FKBP1B: variants seen among roughly 807,000 people sequenced by gnomAD.
FKBP1B encodes FKBP prolyl isomerase 1B.
A neutral mutation model predicts 13.5 loss-of-function variants in FKBP1B; 4 were observed. The ratio of observed to expected loss-of-function variants is 0.30; its 90% CI spans 0.15 to 0.68. FKBP1B has a LOEUF of 0.68. Ranked by LOEUF, FKBP1B falls within the 30% of genes least tolerant of loss-of-function variation. The pLI is 0.76. For missense variants in FKBP1B, 93 were observed against 136.2 expected, an observed-to-expected ratio of 0.68 and a Z score of 1.58; for synonymous variants, 54 against 53.6, an observed-to-expected ratio of 1.01 and a Z score of -0.03.
the FKBP1B span, chr2:24,038,855 C>A: frequency 6.2e-7 from 1 of 1,614,208 alleles, no homozygotes; most frequent in Non-Finnish European, 8.5e-7. Flanking sequence ...ACCTGTGAGT[C>A]CACAGTTGCT....
the FKBP1B span, chr2:24,033,285 A>G: frequency 2.2e-6 from 1 of 451,964 alleles, no homozygotes; most frequent in Non-Finnish European, 4.5e-6. Context: ...GCTGTTTCAG[A>G]TATAGCTAAG....
chr2:24,048,831 T>C (rs993470024), upstream of FKBP1B, among the ~76,000 whole-genome samples: 6 of 152,174 alleles, frequency 3.9e-5, no homozygotes, highest in Non-Finnish European at 7.3e-5. Context: ...AATCACTCCA[T>C]GCAGTAACTG....
intron 2 of FKBP1B, among the ~76,000 whole-genome samples, chr2:24,059,391 C>T (rs1664285264): frequency 1.3e-5 from 2 of 148,164 alleles, no homozygotes; most frequent in Admixed American, 1.3e-4. Context: ...GTTCTGGTTT[C>T]AAACAGCCCT....
At chr2:24,047,694 T>A (rs552979749), upstream of FKBP1B, among the ~76,000 whole-genome samples, 1 of 152,104 alleles carries the variant, frequency 6.6e-6, no homozygotes, top group East Asian at 1.9e-4. Context: ...GTCTAAGGAG[T>A]CCAGGAGCCC....
At chr2:24,038,492 T>A in the FKBP1B span, 1 of 1,614,244 alleles carries the variant, frequency 6.2e-7, no homozygotes, top group Non-Finnish European at 8.5e-7. Context: ...CCTGGAATAG[T>A]GACTTTTCTC....
the FKBP1B span, among the ~76,000 whole-genome samples, chr2:24,042,902 A>G: frequency 7.4e-6 from 1 of 135,648 alleles, no homozygotes; most frequent in African/African-American, 2.8e-5. Flanking sequence ...GCGTGGTGGC[A>G]CATGCCTGTA....
the FKBP1B span, among the ~76,000 whole-genome samples, chr2:24,044,381 T>C: frequency 6.6e-6 from 1 of 152,120 alleles, no homozygotes; most frequent in Non-Finnish European, 1.5e-5. Context: ...GTGATTCTTG[T>C]GCCTCAGCCT....
At chr2:24,042,724 T>G in the FKBP1B span, among the ~76,000 whole-genome samples, 2 of 136,064 alleles carry the variant, frequency 1.5e-5, no homozygotes, top group Admixed American at 7.4e-5. Context: ...AAAAAAAAAT[T>G]TAGTATAAAA....
At chr2:24,039,462 A>T in the FKBP1B span, 1 of 1,612,808 alleles carries the variant, frequency 6.2e-7, no homozygotes, top group Non-Finnish European at 8.5e-7. Flanking sequence ...CATTCAGTCC[A>T]GTCCTGAGTA....
chr2:24,039,531 A>G, the FKBP1B span: 1 of 1,593,128 alleles, frequency 6.3e-7, no homozygotes, highest in Non-Finnish European at 8.6e-7. Context: ...ATTAAGAAGG[A>G]AAGTTACACC....
Position 24,063,461 on chromosome 2 carries a change from AG to A in FKBP1B, c.*270del. ...GCATGTAGTAGCCTTTCCTGATGAC[AG>A]AACACAGATCTCTTGTTCGCACAAT... On this transcript the variant is annotated 3_prime_UTR_variant, in exon 4 of 4. Coordinates refer to ENST00000380986, the MANE Select transcript of FKBP1B (RefSeq NM_004116.5). 2 of 377,258 alleles carry A rather than the reference AG, an allele frequency of 5.3e-6. No homozygotes were observed. The highest frequency in any genetic ancestry group is 4.7e-6 in the Non-Finnish European group (1 of 211,456). 23.4% of individuals were successfully genotyped at this position (377,258 alleles called of 1,614,324 possible). A position where few individuals can be genotyped will look rare whatever the true frequency, so the allele number is the denominator to read the frequency against.
At chr2:24,051,346 G>A (rs550433540) in intron 1 of FKBP1B, among the ~76,000 whole-genome samples, 6 of 147,346 alleles carry the variant, frequency 4.1e-5, no homozygotes, top group African/African-American at 5.1e-5. Flanking sequence ...AAAAAAAAAA[G>A]AAAAAAAATG....
At chr2:24,055,194 CTTT>C (rs71395180) in intron 2 of FKBP1B, among the ~76,000 whole-genome samples, 23 of 131,178 alleles carry the variant, frequency 1.8e-4, no homozygotes, top group Admixed American at 2.3e-4. Context: ...CATTGTTTTT[CTTT>C]TTTTTTTTTT....
the FKBP1B span, chr2:24,037,744 T>C: frequency 2.5e-6 from 4 of 1,614,206 alleles, no homozygotes; most frequent in Non-Finnish European, 2.5e-6. Context: ...TTTCTTCCCA[T>C]TATGCAGACG....
chr2:24,041,270 T>C, the FKBP1B span, among the ~76,000 whole-genome samples: 7 of 146,234 alleles, frequency 4.8e-5, no homozygotes, highest in African/African-American at 1.3e-4. Flanking sequence ...ACCCAGGAGG[T>C]AGAGATTACA....
the FKBP1B span, chr2:24,037,621 C>T: frequency 1.3e-6 from 2 of 1,504,034 alleles, no homozygotes; most frequent in South Asian, 2.6e-5. Context: ...TCTTGCAGTA[C>T]TCACCGGCTG....
chr2:24,062,399 G>A (rs193217387), intron 3 of FKBP1B, among the ~76,000 whole-genome samples: 128 of 152,038 alleles, frequency 8.4e-4, no homozygotes, highest in African/African-American at 3.0e-3. Context: ...GGCTGCTCTC[G>A]AACTCCTGAC....
In FKBP1B at chr2:24,049,772, C is replaced by A; in HGVS notation, c.-78C>A. 2 of 1,196,246 alleles carry A rather than the reference C, an allele frequency of 1.7e-6. No homozygotes were observed. Among genetic ancestry groups the A allele is most frequent in the South Asian group, 5.3e-5 (2 of 37,434 alleles). 74.1% of individuals were successfully genotyped at this position (1,196,246 alleles called of 1,614,324 possible). ...GCGGCGAGGAGGCGAGCCGGAGCGACGGCGGGGCTGGGGCCGGAGCCGAGC... is the reference window on the plus strand; with the variant it reads ...GCGGCGAGGAGGCGAGCCGGAGCGAAGGCGGGGCTGGGGCCGGAGCCGAGC... On this transcript the variant is annotated 5_prime_UTR_variant, in exon 1 of 4. Coordinates refer to ENST00000380986, the MANE Select transcript of FKBP1B (RefSeq NM_004116.5).
intron 2 of FKBP1B, among the ~76,000 whole-genome samples, chr2:24,057,132 G>T (rs1302398157): frequency 2.0e-5 from 3 of 151,760 alleles, no homozygotes; most frequent in Admixed American, 1.3e-4. Context: ...TTGAACAGAA[G>T]TTCTTTTTTT....
Sources: allele counts gnomAD v4.1 joint callset (sites outside exome capture counted in the v4.1 genomes callset), GRCh38; gene constraint gnomAD v4.1.1; transcripts MANE v1.5; gene names NCBI Gene and HGNC (gene_info 2026-07-23, HGNC 2026-07-21).